Variants in HACD2 observed in about 807,000 individuals in gnomAD.
HACD2 encodes the protein 3-hydroxyacyl-CoA dehydratase 2.
Under a neutral mutation model 31.0 loss-of-function variants are expected in HACD2, and 15 were observed. The ratio of observed to expected loss-of-function variants is 0.48; its 90% CI spans 0.32 to 0.75. The LOEUF (loss-of-function observed/expected upper bound fraction) is 0.75, where lower values mean the gene tolerates loss of function less well. HACD2 is among the 30% of genes least tolerant of loss of function. The pLI, the probability that HACD2 is intolerant of heterozygous loss-of-function variation, is 0.03. For missense variants in HACD2, 283 were observed against 313.0 expected (o/e 0.90, Z 0.72); for synonymous variants, 115 against 122.2 (o/e 0.94, Z 0.39).
rs536889148 is a variant in HACD2, at chr3:123,553,563, A to G, written c.292+14199T>C. The stretch of plus-strand genomic sequence containing the variant: ...CTCCTGACTGCTCTTTTCCCAGGTC[A>G]TTTCTTAGGCTTGTGTTTTCAAGGA... On this transcript the variant is annotated intron_variant, in intron 3 of 6. Transcript: ENST00000383657. Among the ~76,000 whole-genome samples the G allele has an allele frequency of 2.6e-5, 4 of 152,320 alleles. No homozygotes were observed. The East Asian group carries it at 7.7e-4, about 29-fold the overall frequency.
At chr3:123,524,901 T>C (rs944454622) in intron 4 of HACD2, among the ~76,000 whole-genome samples, 3 of 152,222 alleles carry the variant, frequency 2.0e-5, no homozygotes, top group Non-Finnish European at 4.4e-5. Context: ...GTCACTTTGC[T>C]GCTGTAGCTT....
intron 3 of HACD2, among the ~76,000 whole-genome samples, chr3:123,549,474 G>A (rs1402217408): frequency 6.6e-6 from 1 of 152,168 alleles, no homozygotes; most frequent in African/African-American, 2.4e-5. Flanking sequence ...AGGGCTGGGA[G>A]CGGTGGCTCA....
intron 2 of HACD2, among the ~76,000 whole-genome samples, chr3:123,570,801 A>T (rs181668065): frequency 2.2e-4 from 33 of 152,280 alleles, no homozygotes; most frequent in Non-Finnish European, 5.9e-5. Flanking sequence ...ATGTAAAAAA[A>T]CTGTAATGCA....
intron 3 of HACD2, among the ~76,000 whole-genome samples, chr3:123,534,787 T>C (rs1159240921): frequency 3.9e-5 from 6 of 152,068 alleles, no homozygotes; most frequent in Admixed American, 3.9e-4. Flanking sequence ...TGTCCCTATG[T>C]AGACGTAGGC....
At chr3:123,577,924 A>T (rs2056924862) in intron 2 of HACD2, among the ~76,000 whole-genome samples, 1 of 152,140 alleles carries the variant, frequency 6.6e-6, no homozygotes, top group Non-Finnish European at 1.5e-5. Context: ...TAAACTGTAC[A>T]ATCTAGTGGT....
chr3:123,512,923 C>T (rs1240163568), intron 4 of HACD2, among the ~76,000 whole-genome samples: 4 of 152,150 alleles, frequency 2.6e-5, no homozygotes, highest in Admixed American at 2.6e-4. Flanking sequence ...CAGTGAGCAC[C>T]TCATCTACCC....
chr3:123,507,392 T>C (rs1421347035), intron 4 of HACD2, among the ~76,000 whole-genome samples: 1 of 152,212 alleles, frequency 6.6e-6, no homozygotes, highest in Non-Finnish European at 1.5e-5. Flanking sequence ...ACAAGTGATA[T>C]ATATATATAC....
At chr3:123,505,926 T>C (rs1480529099) in intron 4 of HACD2, among the ~76,000 whole-genome samples, 1 of 152,170 alleles carries the variant, frequency 6.6e-6, no homozygotes, top group Non-Finnish European at 1.5e-5. Flanking sequence ...CAAAGTTGTG[T>C]GCTTGTAGGC....
chr3:123,519,402 T>C (rs1342591958), intron 4 of HACD2, among the ~76,000 whole-genome samples: 10 of 152,230 alleles, frequency 6.6e-5, no homozygotes, highest in Admixed American at 2.0e-4. Context: ...GTGAGAGGTT[T>C]TGACTACAGG....
At chr3:123,539,237 T>C (rs1014897434) in intron 3 of HACD2, among the ~76,000 whole-genome samples, 1 of 152,028 alleles carries the variant, frequency 6.6e-6, no homozygotes, top group African/African-American at 2.4e-5. Flanking sequence ...TTAGAAAACT[T>C]GGGAAGAAAA....
chr3:123,545,468 C>T (rs1216599371), intron 3 of HACD2, among the ~76,000 whole-genome samples: 6 of 127,884 alleles, frequency 4.7e-5, no homozygotes, highest in South Asian at 2.4e-4. Flanking sequence ...GGCAACAGAG[C>T]GAGACTTAGT....
At chr3:123,578,468 G>A (rs1020171393) in intron 2 of HACD2, among the ~76,000 whole-genome samples, 3 of 151,892 alleles carry the variant, frequency 2.0e-5, no homozygotes, top group African/African-American at 7.3e-5. Flanking sequence ...ATGGGGTCTC[G>A]CTATGTTTCC....
rs2056808719 is a variant in HACD2 at position 123,567,798 on chromosome 3, A to G, written c.274-18T>C. The stretch of plus-strand genomic sequence containing the variant: ...TGTAAAATCTAGAGGAAAAAAGGGG[A>G]AAAAAGAGGAGAATTAGTAAGAATC... On this transcript the variant is annotated intron_variant, in intron 2 of 6. Coordinates refer to ENST00000383657, the MANE Select transcript of HACD2 (RefSeq NM_198402.5). 6.8e-7 allele frequency: 1 copy of G among 1,467,948 alleles called. No individual in the cohort carries two copies. The highest frequency in any genetic ancestry group is 9.2e-7 in the Non-Finnish European group (1 of 1,085,000). 90.9% of individuals were successfully genotyped at this position (1,467,948 alleles called of 1,614,324 possible). A position where few individuals can be genotyped will look rare whatever the true frequency, so the allele number is the denominator to read the frequency against.
chr3:123,550,269 G>T (rs868733448), intron 3 of HACD2, among the ~76,000 whole-genome samples: 7 of 152,156 alleles, frequency 4.6e-5, no homozygotes, highest in African/African-American at 1.7e-4. Flanking sequence ...AAAAGAACAG[G>T]CGCAGGATCA....
intron 6 of HACD2, among the ~76,000 whole-genome samples, chr3:123,498,029 T>A (rs1184385910): frequency 6.6e-6 from 1 of 152,204 alleles, no homozygotes; most frequent in Non-Finnish European, 1.5e-5. Flanking sequence ...GTTGGAAATG[T>A]GCAGCTGGCC....
In HACD2 at chr3:123,494,747, G is replaced by C; in HGVS notation, c.*141C>G. On this transcript the variant is annotated 3_prime_UTR_variant, in exon 7 of 7. Coordinates refer to ENST00000383657, the MANE Select transcript of HACD2 (RefSeq NM_198402.5). ...AAAATCTCAGGCCCATGTGACACTGGATTTTTGTTTTAGTTTTGTTTGAAT... is the reference window on the plus strand; with the variant it reads ...AAAATCTCAGGCCCATGTGACACTGCATTTTTGTTTTAGTTTTGTTTGAAT... The C allele has an allele frequency of 1.5e-6, 1 of 683,204 alleles. No homozygotes were observed. Among genetic ancestry groups the C allele is most frequent in the Non-Finnish European group, 2.5e-6 (1 of 393,402 alleles). The allele number at this position is 683,204 out of a possible 1,614,324, so 42.3% of individuals were successfully genotyped here. A position where few individuals can be genotyped will look rare whatever the true frequency, so the allele number is the denominator to read the frequency against.
intron 3 of HACD2, among the ~76,000 whole-genome samples, chr3:123,534,285 C>T (rs2056399547): frequency 6.6e-6 from 1 of 152,060 alleles, no homozygotes; most frequent in Non-Finnish European, 1.5e-5. Context: ...AATGGCATTT[C>T]GGATAACGAC....
intron 2 of HACD2, among the ~76,000 whole-genome samples, chr3:123,575,371 C>T (rs2056897237): frequency 6.6e-6 from 1 of 152,150 alleles, no homozygotes; most frequent in Non-Finnish European, 1.5e-5. Flanking sequence ...CCCACCTTGG[C>T]CTTCCAAAGT....
chr3:123,528,481 G>T lies in HACD2; in HGVS notation c.293-7C>A. 6.5e-7 allele frequency: 1 copy of T among 1,542,306 alleles called. No homozygotes were observed. Among genetic ancestry groups the T allele is most frequent in the Non-Finnish European group, 9.0e-7 (1 of 1,115,074 alleles). ...ACAGAAGATGGAACAATTCCTGAAA[G>T]AAATTTTGGGATGGATAAATAAATG... On this transcript the variant is annotated splice_polypyrimidine_tract_variant and splice_region_variant and intron_variant, in intron 3 of 6. Transcript: ENST00000383657.
Sources: allele counts gnomAD v4.1 joint callset (sites outside exome capture counted in the v4.1 genomes callset), GRCh38; gene constraint gnomAD v4.1.1; transcripts MANE v1.5; gene names NCBI Gene and HGNC (gene_info 2026-07-23, HGNC 2026-07-21).